The following RABGAP1L variants were observed in gnomAD, a reference collection of about 807,000 sequenced individuals.
RABGAP1L encodes RAB GTPase activating protein 1 like.
In RABGAP1L, 63 loss-of-function variants were observed where a neutral mutation model predicts 137.7. The ratio of observed to expected loss-of-function variants is 0.46; its 90% CI spans 0.37 to 0.56. RABGAP1L has a LOEUF of 0.56. Among genes scored for constraint, RABGAP1L ranks in the 20% least tolerant of loss-of-function variants. RABGAP1L has a pLI of 0.00. For synonymous variants in RABGAP1L, 431 were observed against 433.7 expected, an observed-to-expected ratio of 0.99 and a Z score of 0.08; for missense variants, 1,095 against 1,244.0, an observed-to-expected ratio of 0.88 and a Z score of 1.80.
chr1:174,666,049 A>T (rs753627259), intron 14 of RABGAP1L, among the ~76,000 whole-genome samples: 2 of 152,148 alleles, frequency 1.3e-5, no homozygotes, highest in Non-Finnish European at 2.9e-5. Context: ...ACCTCTTTTT[A>T]TTCAGCTAAT....
At chr1:174,899,740 T>C (rs929337453) in intron 19 of RABGAP1L, among the ~76,000 whole-genome samples, 11 of 152,234 alleles carry the variant, frequency 7.2e-5, no homozygotes, top group Admixed American at 6.5e-4. Context: ...TATGTCTATT[T>C]TTTTGAAATA....
intron 17 of RABGAP1L, among the ~76,000 whole-genome samples, chr1:174,715,378 T>C (rs1680915916): frequency 6.6e-6 from 1 of 152,080 alleles, no homozygotes; most frequent in Non-Finnish European, 1.5e-5. Context: ...CATTGAAGAG[T>C]AGTTATTTCC....
At chr1:174,573,047 GA>G (rs35883470) in intron 13 of RABGAP1L, among the ~76,000 whole-genome samples, 2,232 of 151,864 alleles carry the variant, frequency 0.015, 44 homozygotes, top group African/African-American at 0.051. Flanking sequence ...AGAAAAGGCA[GA>G]ACCTCTTGAA....
intron 13 of RABGAP1L, among the ~76,000 whole-genome samples, chr1:174,629,287 T>G (rs903881003): frequency 6.6e-6 from 1 of 152,238 alleles, no homozygotes; most frequent in Admixed American, 6.5e-5. Flanking sequence ...TATTTTCTTT[T>G]GATTTTCACA....
At chr1:174,280,755 T>G (rs1030313614) in intron 10 of RABGAP1L, among the ~76,000 whole-genome samples, 2 of 152,188 alleles carry the variant, frequency 1.3e-5, no homozygotes, top group African/African-American at 4.8e-5. Context: ...GCTGGGAAAG[T>G]AAACTAGAGA....
intron 13 of RABGAP1L, among the ~76,000 whole-genome samples, chr1:174,442,714 A>G (rs1044833330): frequency 6.6e-6 from 1 of 152,144 alleles, no homozygotes; most frequent in Non-Finnish European, 1.5e-5. Context: ...TCAAATGTTT[A>G]TGACTTATTG....
intron 13 of RABGAP1L, among the ~76,000 whole-genome samples, chr1:174,429,736 T>C (rs888848245): frequency 9.0e-6 from 1 of 111,612 alleles, no homozygotes; most frequent in African/African-American, 4.7e-5. Context: ...CAAGACTCCA[T>C]CTCAAAAAAA....
chr1:174,881,492 C>CTTTTTTTTT (rs751296977), intron 19 of RABGAP1L, among the ~76,000 whole-genome samples: 25 of 85,826 alleles, frequency 2.9e-4, no homozygotes, highest in South Asian at 4.4e-4. Flanking sequence ...ATATCATTTG[C>CTTTTTTTTT]TTTTTTTTTT....
At chr1:174,502,170 T>G (rs1383201147) in intron 13 of RABGAP1L, among the ~76,000 whole-genome samples, 1 of 151,982 alleles carries the variant, frequency 6.6e-6, no homozygotes, top group Non-Finnish European at 1.5e-5. Flanking sequence ...AGTGAACTTT[T>G]TATAAGCAAC....
intron 7 of RABGAP1L, among the ~76,000 whole-genome samples, chr1:174,257,624 A>C (rs911937071): frequency 1.3e-5 from 2 of 152,184 alleles, no homozygotes; most frequent in African/African-American, 4.8e-5. Context: ...GAATAATTTT[A>C]AGGCATTTTT....
At chr1:174,935,386 T>C (rs1664597511) in intron 19 of RABGAP1L, 1 of 152,198 alleles carries the variant, frequency 6.6e-6, no homozygotes, top group South Asian at 2.1e-4. Context: ...CATATAAACA[T>C]ATACCCACTC....
intron 4 of RABGAP1L, among the ~76,000 whole-genome samples, chr1:174,237,171 C>G (rs1292771203): frequency 6.6e-6 from 1 of 150,538 alleles, no homozygotes; most frequent in Non-Finnish European, 1.5e-5. Flanking sequence ...TGTCTCTGCA[C>G]GTGAGATGGG....
At chr1:174,405,443 A>G (rs1437305781) in intron 13 of RABGAP1L, among the ~76,000 whole-genome samples, 1 of 152,104 alleles carries the variant, frequency 6.6e-6, no homozygotes, top group Non-Finnish European at 1.5e-5. Flanking sequence ...GAGCTTTTTG[A>G]TAGAATGAGG....
chr1:174,275,479 G>C (rs954546059), intron 8 of RABGAP1L, among the ~76,000 whole-genome samples: 2 of 152,052 alleles, frequency 1.3e-5, no homozygotes, highest in East Asian at 1.9e-4. Flanking sequence ...TGTTTTAATA[G>C]AAACCATATA....
chr1:174,283,973 T>C (rs1382601900), intron 10 of RABGAP1L, among the ~76,000 whole-genome samples: 1 of 152,220 alleles, frequency 6.6e-6, no homozygotes, highest in Non-Finnish European at 1.5e-5. Flanking sequence ...TCATGAATTT[T>C]TCATCTCAGG....
chr1:174,509,150 C>G (rs1662101097), intron 13 of RABGAP1L, among the ~76,000 whole-genome samples: 1 of 152,068 alleles, frequency 6.6e-6, no homozygotes, highest in Non-Finnish European at 1.5e-5. Context: ...ATGATGAAAA[C>G]CTTTTGCTCA....
chr1:174,435,424 A>G (rs1277056238), intron 13 of RABGAP1L, among the ~76,000 whole-genome samples: 1 of 152,092 alleles, frequency 6.6e-6, no homozygotes, highest in Non-Finnish European at 1.5e-5. Context: ...TCTATGATCC[A>G]TATCATTTAA....
chr1:174,170,734 A>G (rs1234960260), intron 1 of RABGAP1L, among the ~76,000 whole-genome samples: 1 of 151,950 alleles, frequency 6.6e-6, no homozygotes, highest in Non-Finnish European at 1.5e-5. Flanking sequence ...TTGCTTCTAA[A>G]TCTGTCTCAC....
At chr1:174,327,958 T>TATATATATATATATAC (rs1444337651) in intron 11 of RABGAP1L, among the ~76,000 whole-genome samples, 543 of 11,432 alleles carry the variant, frequency 0.047, 42 homozygotes, top group African/African-American at 0.3. Context: ...CAGTTGTAAA[T>TATATATATATATATAC]ATATATATAT....
Sources: gnomAD v4.1 joint callset for allele counts (sites outside exome capture counted in the v4.1 genomes callset) on GRCh38, gnomAD v4.1.1 for gene constraint, MANE v1.5 for transcripts, NCBI Gene and HGNC (gene_info 2026-07-23, HGNC 2026-07-21) for gene names.